The following MALRD1 variants were observed in gnomAD, a reference collection of about 807,000 sequenced individuals.
MALRD1 encodes the protein MAM and LDL-receptor class A domain-containing protein 1.
MALRD1 carries 247 observed loss-of-function variants against 242.1 expected under a neutral mutation model. The observed-to-expected ratio is 1.02, with a 90% confidence interval of 0.92 to 1.13. The LOEUF is 1.13. MALRD1 is among the 50% of genes most tolerant of loss of function. The probability of loss-of-function intolerance (pLI) is 0.00; values close to 1 mark genes in which losing one functional copy is unlikely to be tolerated. For missense variants in MALRD1, 2,989 were observed against 2,533.1 expected (o/e 1.18, Z -3.86); for synonymous variants, 995 against 866.6 (o/e 1.15, Z -2.60).
At chr10:19,278,618 G>C (rs1187150318) in intron 19 of MALRD1, among the ~76,000 whole-genome samples, 4 of 151,972 alleles carry the variant, frequency 2.6e-5, no homozygotes, top group African/African-American at 9.7e-5. Context: ...GCTTCCCTGG[G>C]GTTATATCTT....
In MALRD1 at chr10:19,721,049, A is replaced by G. The variant is rs367565831; in HGVS notation, c.6315-9657A>G. Among the ~76,000 whole-genome samples the G allele has an allele frequency of 7.7e-4, 117 of 152,186 alleles. No homozygotes were observed. In the East Asian group the frequency reaches 0.014, roughly 18 times the overall value. On this transcript the variant is annotated intron_variant, in intron 38 of 39. Coordinates refer to ENST00000454679, the MANE Select transcript of MALRD1 (RefSeq NM_001142308.3). ...AAAAAAAAATAAAAGAACATTGCTCATTGATTTTTAGGATGAGATGAAGTT... is the reference window on the plus strand; with the variant it reads ...AAAAAAAAATAAAAGAACATTGCTCGTTGATTTTTAGGATGAGATGAAGTT...
chr10:19,272,132 G>A (rs1840278220), intron 19 of MALRD1, among the ~76,000 whole-genome samples: 1 of 151,918 alleles, frequency 6.6e-6, no homozygotes, highest in Non-Finnish European at 1.5e-5. Context: ...AAAGTCTAAA[G>A]TAAAGACTTA....
intron 4 of MALRD1, among the ~76,000 whole-genome samples, chr10:19,101,501 C>A: frequency 7.5e-6 from 1 of 133,808 alleles, no homozygotes. Context: ...AAATATATAG[C>A]ATATGTATAT....
chr10:19,121,090 C>G (rs1156266492), intron 5 of MALRD1, among the ~76,000 whole-genome samples: 1 of 131,296 alleles, frequency 7.6e-6, no homozygotes, highest in Non-Finnish European at 1.6e-5. Flanking sequence ...GTTGCCCAGG[C>G]TAAAGTGCAG....
chr10:19,464,784 G>GAT (rs1836135401), intron 29 of MALRD1, among the ~76,000 whole-genome samples: 1 of 152,062 alleles, frequency 6.6e-6, no homozygotes, highest in Admixed American at 6.6e-5. Flanking sequence ...CATTGAATTT[G>GAT]TAGATTGCTT....
At chr10:19,430,417 C>T (rs79809476) in intron 28 of MALRD1, among the ~76,000 whole-genome samples, 11,066 of 151,804 alleles carry the variant, frequency 0.073, 526 homozygotes, top group Non-Finnish European at 0.12. Flanking sequence ...GCCCCGGCCT[C>T]CTCATTTTCT....
rs569452539 is a variant in MALRD1 at position 19,123,531 on chromosome 10, G to A, written c.734G>A (p.Arg245Gln). 4.6e-5 allele frequency: 57 copies of A among 1,233,738 alleles called. No homozygotes were observed. The highest frequency in any genetic ancestry group is 4.3e-4 in the African/African-American group (28 of 64,606). The allele number at this position is 1,233,738 out of a possible 1,614,324, so 76.4% of individuals were successfully genotyped here. ...TGTCAAGAAGCATTGAATGCTGAGC[G>A]GGAGCTATGCCATCCAGATACAGAT... ...LLCQEALNAE[R>Q]ELCHPDTDLC... The change falls in exon 6 of 40, where the codon CGG (arginine) becomes CAG (glutamine). Residue 245 changes from arginine to glutamine, a missense_variant. Arg to Gln is a conservative substitution (Grantham distance 43, BLOSUM62 1). Transcript: ENST00000454679.
In MALRD1 at chr10:19,514,827, G is replaced by A. The variant is rs1833557480; in HGVS notation, c.5320+16181G>A. On this transcript the variant is annotated intron_variant, in intron 31 of 39. Transcript: ENST00000454679. The stretch of plus-strand genomic sequence containing the variant: ...AGCCTTTTACAATTTTCTACTAAAG[G>A]CAGACCAATACTCCAAGAAAACCTT... Among the ~76,000 whole-genome samples the A allele has an allele frequency of 2.0e-5, 3 of 151,992 alleles. No individual in the cohort carries two copies. The South Asian group carries it at 6.2e-4, about 32-fold the overall frequency.
intron 26 of MALRD1, among the ~76,000 whole-genome samples, chr10:19,386,416 G>GAA (rs10654913): frequency 0.14 from 21,389 of 148,002 alleles, 1,592 homozygotes; most frequent in South Asian, 0.18. Flanking sequence ...GAGAAGACAA[G>GAA]AAAAAAAAAA....
chr10:19,650,892 C>T (rs907340975), intron 36 of MALRD1, among the ~76,000 whole-genome samples: 1 of 152,104 alleles, frequency 6.6e-6, no homozygotes, highest in Non-Finnish European at 1.5e-5. Flanking sequence ...GAACAGGTGT[C>T]CTTTTGGCCT....
At chr10:19,654,644 C>T (rs537504453) in intron 36 of MALRD1, among the ~76,000 whole-genome samples, 1 of 152,246 alleles carries the variant, frequency 6.6e-6, no homozygotes, top group Non-Finnish European at 1.5e-5. Flanking sequence ...AATCTAAAAT[C>T]CAATGTTCTT....
chr10:19,560,052 AG>A (rs1348042370), intron 32 of MALRD1, among the ~76,000 whole-genome samples: 1 of 152,228 alleles, frequency 6.6e-6, no homozygotes, highest in Non-Finnish European at 1.5e-5. Flanking sequence ...AGTGTAAATT[AG>A]TTCAACCATT....
At chr10:19,590,094 A>C (rs899262667) in intron 33 of MALRD1, among the ~76,000 whole-genome samples, 2 of 152,058 alleles carry the variant, frequency 1.3e-5, no homozygotes, top group Non-Finnish European at 2.9e-5. Flanking sequence ...TGCTTTATCA[A>C]GACACAGTAC....
chr10:19,417,613 T>C (rs968841292), intron 28 of MALRD1, among the ~76,000 whole-genome samples: 3 of 152,188 alleles, frequency 2.0e-5, no homozygotes, highest in Non-Finnish European at 4.4e-5. Context: ...TTTACTAATT[T>C]ACATAAGCAG....
At position 19,521,954 on chromosome 10, in the gene MALRD1, A is replaced by T. The variant is rs1044942587; in HGVS notation, c.5321-9240A>T. Among the ~76,000 whole-genome samples, 3 of 136,434 alleles carry T rather than the reference A, an allele frequency of 2.2e-5. No homozygotes were observed. The East Asian group carries it at 6.2e-4, about 28-fold the overall frequency. 89.5% of individuals were successfully genotyped at this position (136,434 alleles called of 152,430 possible). A position where few individuals can be genotyped will look rare whatever the true frequency, so the allele number is the denominator to read the frequency against. ...TTCTGTCAGCTCTCTTTCTCAGCTG[A>T]TTATATGTTTTCATAATCTTTGCAT... On this transcript the variant is annotated intron_variant, in intron 31 of 39. Coordinates refer to ENST00000454679, the MANE Select transcript of MALRD1 (RefSeq NM_001142308.3).
intron 36 of MALRD1, among the ~76,000 whole-genome samples, chr10:19,618,637 A>G (rs1270302819): frequency 1.3e-5 from 2 of 151,966 alleles, no homozygotes; most frequent in Non-Finnish European, 2.9e-5. Context: ...TCTTCTTTCA[A>G]AAAATGTCTT....
chr10:19,428,947 G>T (rs1031557059), intron 28 of MALRD1, among the ~76,000 whole-genome samples: 1 of 152,080 alleles, frequency 6.6e-6, no homozygotes, highest in Admixed American at 6.5e-5. Context: ...GAGCCTATCT[G>T]TAGTCTGAAT....
In MALRD1 at chr10:19,431,895, C is replaced by T. The variant is rs1316099100; in HGVS notation, c.4846-18412C>T. Among the ~76,000 whole-genome samples, 5 of 152,256 alleles carry T rather than the reference C, an allele frequency of 3.3e-5. No homozygotes were observed. In the East Asian group the frequency reaches 7.7e-4, roughly 24 times the overall value. Reference sequence around the variant, plus strand: ...TTCATAACTGACACGTTGCTTTTGACCTTGCTGCCTTTACTTATTACTCCT... The same window carrying T: ...TTCATAACTGACACGTTGCTTTTGATCTTGCTGCCTTTACTTATTACTCCT... On this transcript the variant is annotated intron_variant, in intron 28 of 39. Coordinates refer to ENST00000454679, the MANE Select transcript of MALRD1 (RefSeq NM_001142308.3).
chr10:19,479,218 C>G (rs1185959433), intron 29 of MALRD1, among the ~76,000 whole-genome samples: 1 of 152,114 alleles, frequency 6.6e-6, no homozygotes, highest in Non-Finnish European at 1.5e-5. Flanking sequence ...TTTAGTTTAT[C>G]TGTTACAGAG....
Sources: allele counts gnomAD v4.1 joint callset (sites outside exome capture counted in the v4.1 genomes callset), GRCh38; gene constraint gnomAD v4.1.1; transcripts MANE v1.5; gene names NCBI Gene and HGNC (gene_info 2026-07-23, HGNC 2026-07-21).